FSD1: variants seen among roughly 807,000 people sequenced by gnomAD.
FSD1 encodes fibronectin type III and SPRY domain-containing protein 1.
A neutral mutation model predicts 58.2 loss-of-function variants in FSD1; 23 were observed. The observed-to-expected ratio is 0.40, with a 90% CI of 0.28 to 0.56. The LOEUF is 0.56. FSD1 is among the 20% of genes least tolerant of loss of function. The pLI, the probability that FSD1 is intolerant of heterozygous loss-of-function variation, is 0.54. For synonymous variants in FSD1, 265 were observed against 263.4 expected (o/e 1.01, Z -0.06); for missense variants, 563 against 670.8 (o/e 0.84, Z 1.78).
intron 10 of FSD1, among the ~76,000 whole-genome samples, chr19:4,320,213 G>A (rs570234662): frequency 1.2e-4 from 19 of 152,170 alleles, no homozygotes; most frequent in South Asian, 8.3e-4. Flanking sequence ...CGTGGAGTTG[G>A]GGTCTGGATA....
At position 4,312,068 on chromosome 19, in the gene FSD1, C is replaced by G; in HGVS notation, c.700+17C>G. ...CCCTGACAGGTAAGGGCAGTGTGTG[C>G]CAGCTCCGCCCAGCTGTGAACAGCC... On this transcript the variant is annotated intron_variant, in intron 7 of 12. Coordinates refer to ENST00000221856, the MANE Select transcript of FSD1 (RefSeq NM_024333.3). The G allele has an allele frequency of 6.3e-7, 1 of 1,574,930 alleles. No homozygotes were observed. Among genetic ancestry groups the G allele is most frequent in the South Asian group, 1.1e-5 (1 of 89,364 alleles).
intron 3 of FSD1, 103 bp from the exon 4 acceptor site, chr19:4,307,779 G>C (rs116108654): frequency 3.8e-6 from 3 of 787,866 alleles, no homozygotes; most frequent in Non-Finnish European, 6.0e-6. Context: ...CCTGGAGTTC[G>C]AGAAGGGCAT....
chr19:4,323,000 G>A lies in FSD1; in HGVS notation c.1054G>A (p.Asp352Asn), dbSNP rs759023466. 8 of 1,610,782 alleles carry A rather than the reference G, an allele frequency of 5.0e-6. No homozygotes were observed. Among genetic ancestry groups the A allele is most frequent in the Middle Eastern group, 1.7e-4 (1 of 5,810 alleles). The change falls in exon 11 of 13, where the codon GAC becomes AAC. Residue 352 changes from aspartate (D) to asparagine (N), a missense_variant. Coordinates refer to ENST00000221856, the MANE Select transcript of FSD1 (RefSeq NM_024333.3). The part of the protein sequence containing the change: ...SYTVLGDTLI[D>N]GGEHYWEVRY... ...CTGCGCCACAGGGGACACGCTGATC[G>A]ACGGCGGGGAGCATTACTGGGAGGT...
chr19:4,307,738 G>A, intron 3 of FSD1, 144 bp from the exon 4 acceptor site: 1 of 589,312 alleles, frequency 1.7e-6, no homozygotes, highest in Admixed American at 3.3e-5. Context: ...CCATTTGGTG[G>A]GGCGCTCAAG....
chr19:4,310,783 G>T, intron 6 of FSD1, 187 bp downstream of exon 6: 1 of 612,502 alleles, frequency 1.6e-6, no homozygotes, highest in Non-Finnish European at 2.8e-6. Flanking sequence ...CCCCTGGGTG[G>T]AGCCATGGGA....
At chr19:4,315,272 C>CT (rs1465475503) in intron 7 of FSD1, among the ~76,000 whole-genome samples, 1 of 149,666 alleles carries the variant, frequency 6.7e-6, no homozygotes, top group East Asian at 1.9e-4. Context: ...ACTACAGGCA[C>CT]TATAGGCATG....
In FSD1 at chr19:4,318,216, C is replaced by T; in HGVS notation, c.800-130C>T. Reference sequence around the variant, plus strand: ...CAGTCTCTTATCTCTGTCTTGGACTCTTATCTCCTTGGCTCTTTGATTCTC... The same window carrying T: ...CAGTCTCTTATCTCTGTCTTGGACTTTTATCTCCTTGGCTCTTTGATTCTC... On this transcript the variant is annotated intron_variant, in intron 8 of 12. Coordinates refer to ENST00000221856, the MANE Select transcript of FSD1 (RefSeq NM_024333.3). 6.7e-6 allele frequency: 8 copies of T among 1,193,304 alleles called. No individual in the cohort carries two copies. In the South Asian group the frequency reaches 1.1e-4, roughly 16 times the overall value. The allele number at this position is 1,193,304 out of a possible 1,614,324, so 73.9% of individuals were successfully genotyped here.
intron 8 of FSD1, 100 bp from the exon 9 acceptor site, chr19:4,318,246 C>A (rs994740254): frequency 2.7e-6 from 4 of 1,485,966 alleles, no homozygotes; most frequent in Admixed American, 3.5e-5. Flanking sequence ...ATTCTCTGTC[C>A]CTGTCTTGGT....
At chr19:4,314,209 A>C (rs1422238257) in intron 7 of FSD1, among the ~76,000 whole-genome samples, 1 of 152,178 alleles carries the variant, frequency 6.6e-6, no homozygotes, top group East Asian at 1.9e-4. Flanking sequence ...CAGGGGGAAA[A>C]GTCATCAGCC....
At chr19:4,318,747 G>A (rs1971782646) in intron 9 of FSD1, 125 bp from the exon 10 acceptor site, 2 of 829,788 alleles carry the variant, frequency 2.4e-6, no homozygotes, top group African/African-American at 1.7e-5. Context: ...TATAGATAGA[G>A]CCAAATACTG....
intron 7 of FSD1, among the ~76,000 whole-genome samples, chr19:4,315,637 G>T (rs1251934309): frequency 1.8e-5 from 2 of 110,786 alleles, no homozygotes; most frequent in Non-Finnish European, 3.6e-5. Flanking sequence ...TTGAGTTGCA[G>T]TCTCGCTCTG....
intron 8 of FSD1, among the ~76,000 whole-genome samples, chr19:4,317,665 C>G (rs1276258444): frequency 6.6e-6 from 1 of 152,184 alleles, no homozygotes; most frequent in Admixed American, 6.6e-5. Context: ...GTGCTGTAGC[C>G]CAGCCCCTTT....
In FSD1 at chr19:4,323,565, C is replaced by A; in HGVS notation, c.1413C>A (p.Gly471=). The change falls in exon 13 of 13, where the codon GGC becomes GGA. Residue 471 remains glycine, a synonymous_variant. Coordinates refer to ENST00000221856, the MANE Select transcript of FSD1 (RefSeq NM_024333.3). This position sits in a 1 kb window ranked among gnomAD's most constrained non-coding sequence, Gnocchi z 7.7. ...GTGGCAGCTTCCAGGTGACGACAGG[C>A]CTGCAGGTCCCCAGTGCTGTGCGCT... ...VWCGSFQVTT[G]LQVPSAVRCL... The A allele has an allele frequency of 6.2e-7, 1 of 1,612,958 alleles. No individual in the cohort carries two copies. Among genetic ancestry groups the A allele is most frequent in the Non-Finnish European group, 8.5e-7 (1 of 1,179,560 alleles).
At chr19:4,306,743 C>T (rs561393421) in intron 3 of FSD1, among the ~76,000 whole-genome samples, 87 of 150,888 alleles carry the variant, frequency 5.8e-4, no homozygotes, top group Non-Finnish European at 1.2e-3. Context: ...CATGAGCCCC[C>T]GCGCCTGGCC....
chr19:4,318,317 CTG>C (rs1360674429), intron 8 of FSD1, 27 bp from the exon 9 acceptor site: 1 of 1,613,510 alleles, frequency 6.2e-7, no homozygotes, highest in Non-Finnish European at 8.5e-7. Flanking sequence ...TTCCCCATCT[CTG>C]TGACTCCCAC....
chr19:4,309,023 A>C (rs904339885), intron 4 of FSD1, among the ~76,000 whole-genome samples: 3 of 151,974 alleles, frequency 2.0e-5, no homozygotes, highest in African/African-American at 7.3e-5. Flanking sequence ...TGCAGTGAGC[A>C]GAGATCGCAC....
In FSD1 at chr19:4,315,742, G is replaced by T. The variant is rs10403554; in HGVS notation, c.701-1440G>T. ...TTCTCCTGCCCCAGCCTCCCCAGTA[G>T]CTGGGATTACAGGCCCCCGCCACCA... On this transcript the variant is annotated intron_variant, in intron 7 of 12. Coordinates refer to ENST00000221856, the MANE Select transcript of FSD1 (RefSeq NM_024333.3). Among the ~76,000 whole-genome samples, 91 of 151,174 alleles carry T rather than the reference G, an allele frequency of 6.0e-4. 2 individuals carry two copies. In the Middle Eastern group the frequency reaches 0.017, roughly 28 times the overall value.
At chr19:4,310,329 C>T (rs1971674178) in intron 5 of FSD1, 34 bp downstream of exon 5, 3 of 1,613,336 alleles carry the variant, frequency 1.9e-6, no homozygotes, top group Non-Finnish European at 2.5e-6. Context: ...CACCCCACTA[C>T]CCTGCCCCTG....
Position 4,310,295 on chromosome 19 carries a change from G to A in FSD1, c.368G>A (p.Gly123Glu). 1 of 1,614,200 alleles carries A rather than the reference G, an allele frequency of 6.2e-7. No homozygotes were observed. The highest frequency in any genetic ancestry group is 1.1e-5 in the South Asian group (1 of 91,090). Residue 123 changes from glycine to glutamate, a missense_variant and splice_region_variant, in exon 5 of 13, where the codon GGA becomes GAA. Transcript: ENST00000221856. The part of the protein sequence containing the change: ...FPQAAKQIKD[G>E]VTMAPAFRLS... ...TAGGCTGCCAAGCAAATCAAAGATGGGTAAGACACTGGGGTCTGGCCCCCA... is the reference window on the plus strand; with the variant it reads ...TAGGCTGCCAAGCAAATCAAAGATGAGTAAGACACTGGGGTCTGGCCCCCA...
Sources: allele counts gnomAD v4.1 joint callset (sites outside exome capture counted in the v4.1 genomes callset), GRCh38; gene constraint gnomAD v4.1.1; non-coding constraint Gnocchi (gnomAD v3.1); transcripts MANE v1.5; gene names NCBI Gene and HGNC (gene_info 2026-07-23, HGNC 2026-07-21).